MAML1: variants seen among roughly 807,000 people sequenced by gnomAD.
The protein encoded by MAML1 is mastermind-like protein 1.
In MAML1, 14 loss-of-function variants were observed where a neutral mutation model predicts 77.1. That is an observed-to-expected ratio of 0.18 (90% CI 0.12 to 0.28). The LOEUF is 0.28. Among genes scored for constraint, MAML1 ranks in the 10% least tolerant of loss-of-function variants. The pLI is 1.00. For synonymous variants in MAML1, 516 were observed against 551.9 expected (o/e 0.93, Z 0.91); for missense variants, 1,217 against 1,327.8 (o/e 0.92, Z 1.30).
At chr5:179,768,808 T>A in intron 2 of MAML1, 42 bp from the exon 3 acceptor site, 1 of 1,609,704 alleles carries the variant, frequency 6.2e-7, no homozygotes, top group South Asian at 1.1e-5. Flanking sequence ...TTTGGTCTGA[T>A]CAGAGCTTAG....
At chr5:179,754,389 G>A (rs1779570855) in intron 1 of MAML1, among the ~76,000 whole-genome samples, 1 of 152,178 alleles carries the variant, frequency 6.6e-6, no homozygotes, top group Non-Finnish European at 1.5e-5. Context: ...GAGGCCAGGA[G>A]TTCCAGATCA....
At chr5:179,772,832 T>C (rs1417815882) in intron 4 of MAML1, among the ~76,000 whole-genome samples, 1 of 152,148 alleles carries the variant, frequency 6.6e-6, no homozygotes, top group East Asian at 1.9e-4. Flanking sequence ...GAACAGCCTC[T>C]CCCCAGCATG....
intron 1 of MAML1, 23 bp downstream of exon 1, chr5:179,733,450 C>T (rs996309086): frequency 1.8e-6 from 2 of 1,089,870 alleles, no homozygotes; most frequent in South Asian, 8.6e-5. Context: ...CGGGAAGGCG[C>T]TTGTCGTGGC....
chr5:179,748,577 G>A (rs982118680), intron 1 of MAML1, among the ~76,000 whole-genome samples: 3 of 152,138 alleles, frequency 2.0e-5, no homozygotes, highest in South Asian at 4.1e-4. Context: ...TCCGACATCC[G>A]AATAATAGGA....
intron 1 of MAML1, among the ~76,000 whole-genome samples, chr5:179,736,342 T>C (rs1779171117): frequency 6.6e-6 from 1 of 151,964 alleles, no homozygotes; most frequent in Non-Finnish European, 1.5e-5. Context: ...AACCTCCGCC[T>C]CCCAGGTTCA....
chr5:179,773,752 T>C, intron 4 of MAML1, 143 bp from the exon 5 acceptor site: 1 of 1,492,036 alleles, frequency 6.7e-7, no homozygotes, highest in Non-Finnish European at 8.9e-7. Context: ...CCATTCCACC[T>C]GTGGAAGGCT....
chr5:179,771,459 T>C lies in MAML1; in HGVS notation c.2068+216T>C, dbSNP rs1302288132. 6.6e-6 allele frequency among the ~76,000 whole-genome samples: 1 copy of C among 152,248 alleles called. No homozygotes were observed. The highest frequency in any genetic ancestry group is 6.5e-5 in the Admixed American group (1 of 15,284). ...GGCAAACCACTAGAACTACCTTTGC[T>C]GGGTCCCTGGCTGTACAGTTTTCTG... On this transcript the variant is annotated intron_variant, in intron 4 of 4. Coordinates refer to ENST00000292599, the MANE Select transcript of MAML1 (RefSeq NM_014757.5). The surrounding 1 kb of genome is among the most constrained non-coding windows in gnomAD (Gnocchi z 4.7).
At position 179,771,289 on chromosome 5, in the gene MAML1, C is replaced by G. The variant is rs765234307; in HGVS notation, c.2068+46C>G. The G allele has an allele frequency of 6.6e-7, 1 of 1,520,746 alleles. No homozygotes were observed. Among genetic ancestry groups the G allele is most frequent in the Admixed American group, 1.7e-5 (1 of 59,810 alleles). 94.2% of individuals were successfully genotyped at this position (1,520,746 alleles called of 1,614,324 possible). On this transcript the variant is annotated intron_variant, in intron 4 of 4. Coordinates refer to ENST00000292599, the MANE Select transcript of MAML1 (RefSeq NM_014757.5). The surrounding 1 kb of genome is among the most constrained non-coding windows in gnomAD (Gnocchi z 4.7). ...GAGCAGGGACAGGGGAGGCCGCTGC[C>G]TGGTGCTGGTTGAATCCCTGCTGTC...
intron 1 of MAML1, among the ~76,000 whole-genome samples, chr5:179,735,233 CCCT>C (rs1779144403): frequency 6.6e-6 from 1 of 152,084 alleles, no homozygotes; most frequent in Admixed American, 6.6e-5. Context: ...GCCTGTGGGA[CCCT>C]CCTCCATCCC....
chr5:179,750,559 C>T (rs1446792932), intron 1 of MAML1, among the ~76,000 whole-genome samples: 3 of 152,054 alleles, frequency 2.0e-5, no homozygotes, highest in Non-Finnish European at 4.4e-5. Flanking sequence ...TTCCCGGGCT[C>T]AAGCTATTCT....
intron 1 of MAML1, among the ~76,000 whole-genome samples, chr5:179,753,654 A>ATTATTT (rs1554150374): frequency 1.1e-5 from 1 of 88,852 alleles, no homozygotes. Flanking sequence ...TATTATTATT[A>ATTATTT]TTTTTTTTTT....
At chr5:179,733,565 T>A in intron 1 of MAML1, 138 bp downstream of exon 1, 12 of 707,330 alleles carry the variant, frequency 1.7e-5, no homozygotes, top group Non-Finnish European at 2.1e-5. Flanking sequence ...GAGGGTAACA[T>A]GGCAGGGAGC....
chr5:179,772,424 T>C (rs903148176), intron 4 of MAML1, among the ~76,000 whole-genome samples: 1 of 152,054 alleles, frequency 6.6e-6, no homozygotes, highest in African/African-American at 2.4e-5. Flanking sequence ...GCCCCAATTT[T>C]TATTATATGG....
At chr5:179,759,031 G>T (rs1389580482) in intron 1 of MAML1, among the ~76,000 whole-genome samples, 3 of 152,076 alleles carry the variant, frequency 2.0e-5, no homozygotes, top group Non-Finnish European at 4.4e-5. Context: ...TGTTTGTGGC[G>T]CTGGTATGTG....
intron 1 of MAML1, among the ~76,000 whole-genome samples, chr5:179,749,353 C>G (rs1009701305): frequency 6.6e-6 from 1 of 151,954 alleles, no homozygotes; most frequent in East Asian, 1.9e-4. Flanking sequence ...CTTGAACTCC[C>G]AACCTCAAGT....
Position 179,775,046 on chromosome 5 carries a change from C to G in MAML1, c.*169C>G. 7.0e-7 allele frequency: 1 copy of G among 1,424,554 alleles called. No individual in the cohort carries two copies. The highest frequency in any genetic ancestry group is 9.1e-7 in the Non-Finnish European group (1 of 1,094,684). 88.2% of individuals were successfully genotyped at this position (1,424,554 alleles called of 1,614,324 possible). On this transcript the variant is annotated 3_prime_UTR_variant, in exon 5 of 5. Coordinates refer to ENST00000292599, the MANE Select transcript of MAML1 (RefSeq NM_014757.5). ...CTGGGCAGGGTCTGTGGCTGCGCCCCTCAGGCCAGCAGTTGAGGTCCATCG... is the reference window on the plus strand; with the variant it reads ...CTGGGCAGGGTCTGTGGCTGCGCCCGTCAGGCCAGCAGTTGAGGTCCATCG...
intron 4 of MAML1, among the ~76,000 whole-genome samples, chr5:179,773,499 A>AGGCGCGCCCCATCGCGCCCC (rs1294844431): frequency 6.6e-6 from 1 of 151,110 alleles, no homozygotes; most frequent in Non-Finnish European, 1.5e-5. Context: ...CCTGCTGGCC[A>AGGCGCGCCCCATCGCGCCCC]GGCGCGCCCC....
At chr5:179,749,569 T>G (rs1295904120) in intron 1 of MAML1, among the ~76,000 whole-genome samples, 1 of 151,654 alleles carries the variant, frequency 6.6e-6, no homozygotes, top group Non-Finnish European at 1.5e-5. Context: ...CCGAAAAAGG[T>G]TTAAAAAATT....
In MAML1 at chr5:179,774,539, C is replaced by T; in HGVS notation, c.2713C>T (p.Pro905Ser). ...SAAAVGSLLP[P>S]VSAQQRTSAP... ...AGCTGCCGTGGGGTCCTTGCTACCC[C>T]CAGTGAGTGCACAGCAGAGGACCAG... The change falls in exon 5 of 5, where the codon CCA (proline) becomes TCA (serine). Residue 905 changes from proline to serine, a missense_variant. By Grantham distance (74) the Pro-to-Ser change is moderately conservative. This residue lies in a region of MAML1 where 884 missense variants were observed against 949.3 expected (regional missense o/e 0.93). Transcript: ENST00000292599. 2 of 1,613,044 alleles carry T rather than the reference C, an allele frequency of 1.2e-6. No individual in the cohort carries two copies. The highest frequency in any genetic ancestry group is 8.5e-7 in the Non-Finnish European group (1 of 1,179,982).
Sources: gnomAD v4.1 joint callset for allele counts (sites outside exome capture counted in the v4.1 genomes callset) on GRCh38, gnomAD v4.1.1 for gene constraint, gnomAD v4.1.1 regional missense constraint, Gnocchi (gnomAD v3.1) non-coding constraint, MANE v1.5 for transcripts, NCBI Gene and HGNC (gene_info 2026-07-23, HGNC 2026-07-21) for gene names.